TLN2: variants seen among roughly 807,000 people sequenced by gnomAD.
TLN2 encodes the protein talin-2.
A neutral mutation model predicts 294.7 loss-of-function variants in TLN2; 118 were observed. The ratio of observed to expected loss-of-function variants is 0.40; its 90% confidence interval spans 0.34 to 0.47. TLN2 has a LOEUF of 0.47. TLN2 is among the 20% of genes least tolerant of loss of function. The pLI, the probability that TLN2 is intolerant of heterozygous loss-of-function variation, is 0.84. For synonymous variants in TLN2, 1,431 were observed against 1,304.5 expected (o/e 1.10, Z -2.09); for missense variants, 3,083 against 3,282.2 (o/e 0.94, Z 1.48).
chr15:62,441,094 CGAACTAAT>C (rs1329677093), intron 1 of TLN2, among the ~76,000 whole-genome samples: 4 of 152,074 alleles, frequency 2.6e-5, no homozygotes, highest in Admixed American at 1.3e-4. Flanking sequence ...GAAAATCCAT[CGAACTAAT>C]GATGGGTCAG....
chr15:62,771,013 G>A lies in TLN2; in HGVS notation c.5246G>A (p.Gly1749Asp). The A allele has an allele frequency of 6.2e-7, 1 of 1,613,312 alleles. No individual in the cohort carries two copies. The highest frequency in any genetic ancestry group is 1.1e-5 in the South Asian group (1 of 90,972). The change falls in exon 42 of 59, where the codon GGT (glycine) becomes GAT (aspartate). Residue 1749 changes from glycine to aspartate, a missense_variant. Transcript: ENST00000636159. The stretch of plus-strand genomic sequence containing the variant: ...GAGCCCTTGATCTTAGCCGCAGTTG[G>A]TGTGGCCTCCAAGATTCTTGATCAT... ...YFEPLILAAV[G>D]VASKILDHQQ...
At chr15:62,744,911 C>T (rs373397609) in intron 32 of TLN2, among the ~76,000 whole-genome samples, 7 of 152,250 alleles carry the variant, frequency 4.6e-5, no homozygotes, top group African/African-American at 1.4e-4. Flanking sequence ...AGGTCAATTT[C>T]GATTTGCTCT....
chr15:62,486,205 C>T (rs2038382750), intron 1 of TLN2, among the ~76,000 whole-genome samples: 2 of 152,124 alleles, frequency 1.3e-5, no homozygotes, highest in Admixed American at 1.3e-4. Context: ...TCCTTTTCTT[C>T]TTTTTCTTTT....
At chr15:62,764,642 A>G (rs548679203) in intron 40 of TLN2, among the ~76,000 whole-genome samples, 12 of 152,256 alleles carry the variant, frequency 7.9e-5, no homozygotes, top group African/African-American at 2.9e-4. Flanking sequence ...AGGCCTTTCA[A>G]CCGGCAGCCA....
intron 1 of TLN2, among the ~76,000 whole-genome samples, chr15:62,488,870 A>T (rs931198945): frequency 6.6e-6 from 1 of 152,232 alleles, no homozygotes; most frequent in Admixed American, 6.5e-5. Flanking sequence ...ATGGTTAAAT[A>T]TATAAATATA....
At chr15:62,431,811 T>C (rs1308752350) in intron 1 of TLN2, among the ~76,000 whole-genome samples, 1 of 152,248 alleles carries the variant, frequency 6.6e-6, no homozygotes, top group African/African-American at 2.4e-5. Context: ...GAAACCCATG[T>C]ATATTTAATT....
At chr15:62,608,135 C>G (rs2047611846) in intron 2 of TLN2, among the ~76,000 whole-genome samples, 1 of 152,016 alleles carries the variant, frequency 6.6e-6, no homozygotes, top group Admixed American at 6.5e-5. Flanking sequence ...CTCTAATTGA[C>G]ATTCATTTAT....
chr15:62,819,159 C>G (rs531914938), intron 52 of TLN2, among the ~76,000 whole-genome samples: 267 of 152,242 alleles, frequency 1.8e-3, no homozygotes, highest in Non-Finnish European at 3.1e-3. Context: ...TGTACCCAGC[C>G]AGAATGTTCT....
chr15:62,577,332 A>G (rs1281935397), intron 1 of TLN2, among the ~76,000 whole-genome samples: 2 of 152,030 alleles, frequency 1.3e-5, no homozygotes, highest in African/African-American at 2.4e-5. Flanking sequence ...AATCCCAGCT[A>G]CTTTGGGAGG....
intron 1 of TLN2, among the ~76,000 whole-genome samples, chr15:62,557,694 A>C (rs368141490): frequency 6.6e-6 from 1 of 152,110 alleles, no homozygotes; most frequent in Non-Finnish European, 1.5e-5. Context: ...GGCACCCGCC[A>C]CCACACCCGG....
intron 22 of TLN2, 110 bp downstream of exon 22, chr15:62,712,187 T>A: frequency 7.4e-7 from 1 of 1,343,650 alleles, no homozygotes; most frequent in Non-Finnish European, 1.0e-6. Context: ...TTTGTTTGCT[T>A]AAAACCTATA....
At chr15:62,839,089 T>A in intron 58 of TLN2, 108 bp downstream of exon 58, 1 of 1,413,544 alleles carries the variant, frequency 7.1e-7, no homozygotes. Context: ...CTTCCTCGTG[T>A]ACCAGAGATG....
At position 62,717,598 on chromosome 15, in the gene TLN2, C is replaced by G. The variant is rs370252081; in HGVS notation, c.2786C>G (p.Ala929Gly). ...CAGGTTGCAGCCAAGCAGGCCGCAG[C>G]GGCAGCCACACAGACCATCGCCGCC... is the stretch of plus-strand genomic sequence containing the variant. ...RLEVAAKQAA[A>G]AATQTIAASQ... The change falls in exon 24 of 59, where the codon GCG becomes GGG. Residue 929 changes from alanine to glycine, a missense_variant. Coordinates refer to ENST00000636159, the MANE Select transcript of TLN2 (RefSeq NM_015059.3). 10 of 1,585,352 alleles carry G rather than the reference C, an allele frequency of 6.3e-6. No homozygotes were observed. The highest frequency in any genetic ancestry group is 1.9e-5 in the Admixed American group (1 of 53,426).
Position 62,748,449 on chromosome 15 carries a change from G to T in TLN2, c.4119+5G>T. 1 of 1,611,688 alleles carries T rather than the reference G, an allele frequency of 6.2e-7. No homozygotes were observed. The highest frequency in any genetic ancestry group is 8.5e-7 in the Non-Finnish European group (1 of 1,178,388). On this transcript the variant is annotated splice_donor_5th_base_variant and intron_variant, in intron 33 of 58. Coordinates refer to ENST00000636159, the MANE Select transcript of TLN2 (RefSeq NM_015059.3). ...AATGCCCTGCGGGAGCTCGAGGTAGGTCCCTGGGAAGGCTGCTGAGGACTT... is the reference window on the plus strand; with the variant it reads ...AATGCCCTGCGGGAGCTCGAGGTAGTTCCCTGGGAAGGCTGCTGAGGACTT...
At chr15:62,765,604 CT>C (rs1429067474) in intron 40 of TLN2, among the ~76,000 whole-genome samples, 4 of 152,176 alleles carry the variant, frequency 2.6e-5, no homozygotes, top group Non-Finnish European at 4.4e-5. Flanking sequence ...GGGATCTGAT[CT>C]TTCCTGCCAC....
intron 1 of TLN2, among the ~76,000 whole-genome samples, chr15:62,473,381 A>T (rs2037600906): frequency 6.6e-6 from 1 of 152,022 alleles, no homozygotes; most frequent in African/African-American, 2.4e-5. Flanking sequence ...TTCCATATAC[A>T]TACAGAAGAG....
intron 54 of TLN2, chr15:62,829,204 T>C (rs945135428): frequency 2.7e-5 from 4 of 150,122 alleles, no homozygotes; most frequent in Admixed American, 6.7e-5. Context: ...GATGTGTTGT[T>C]ACAGGCATTG....
chr15:62,648,545 A>AT (rs749151123), intron 4 of TLN2, among the ~76,000 whole-genome samples: 4,722 of 120,604 alleles, frequency 0.039, 359 homozygotes, highest in African/African-American at 0.092. Flanking sequence ...GATGATGACG[A>AT]TTTTTTTTTT....
chr15:62,643,989 T>C (rs2051495705), intron 3 of TLN2, among the ~76,000 whole-genome samples: 1 of 152,098 alleles, frequency 6.6e-6, no homozygotes, highest in Non-Finnish European at 1.5e-5. Context: ...AACCATGTGA[T>C]GTGCACTTTT....
Sources: gnomAD v4.1 joint callset for allele counts (sites outside exome capture counted in the v4.1 genomes callset) on GRCh38, gnomAD v4.1.1 for gene constraint, MANE v1.5 for transcripts, NCBI Gene and HGNC (gene_info 2026-07-23, HGNC 2026-07-21) for gene names.